Variants in RYR3 observed in about 807,000 individuals in gnomAD.
RYR3 encodes the protein ryanodine receptor 3.
RYR3 carries 207 observed loss-of-function variants against 584.3 expected under a neutral mutation model. The ratio of observed to expected loss-of-function variants is 0.35; its 90% CI spans 0.32 to 0.40. RYR3 has a LOEUF of 0.40. RYR3 is among the 10% of genes least tolerant of loss of function. The pLI is 1.00. For missense variants in RYR3, 5,616 were observed against 6,089.2 expected (o/e 0.92, Z 2.59); for synonymous variants, 2,416 against 2,248.5 (o/e 1.07, Z -2.11).
intron 1 of RYR3, among the ~76,000 whole-genome samples, chr15:33,364,388 A>AAATAAT (rs1975189384): frequency 2.0e-5 from 3 of 152,364 alleles, no homozygotes; most frequent in East Asian, 3.9e-4. Context: ...ATTATATTTT[A>AAATAAT]CTGAGGCAGC....
chr15:33,846,442 C>G (rs1446038326), intron 93 of RYR3, among the ~76,000 whole-genome samples: 2 of 152,200 alleles, frequency 1.3e-5, no homozygotes, highest in Admixed American at 6.5e-5. Flanking sequence ...TTTGGTGTCC[C>G]AAGTCCAGAT....
intron 58 of RYR3, among the ~76,000 whole-genome samples, chr15:33,755,993 C>G (rs1050988919): frequency 1.3e-5 from 2 of 152,090 alleles, no homozygotes; most frequent in South Asian, 2.1e-4. Context: ...AGGCTGGTGT[C>G]GAACTCCTGA....
rs556006991 is a variant in RYR3 at position 33,609,422 on chromosome 15, G to A, written c.2165-3761G>A. ...TGTAATCCCAGCACTTTGGGAGGCC[G>A]AGGTGGGAGGATCAGTTGAAGCCAG... On this transcript the variant is annotated intron_variant, in intron 18 of 103. Coordinates refer to ENST00000634891, the MANE Select transcript of RYR3 (RefSeq NM_001036.6). Among the ~76,000 whole-genome samples, 3 of 152,256 alleles carry A rather than the reference G, an allele frequency of 2.0e-5. No homozygotes were observed. The East Asian group carries it at 5.8e-4, about 29-fold the overall frequency.
chr15:33,776,923 C>G (rs2152896055), intron 64 of RYR3, among the ~76,000 whole-genome samples: 1 of 152,366 alleles, frequency 6.6e-6, no homozygotes, highest in Middle Eastern at 3.4e-3. Flanking sequence ...ACTGTCCAGT[C>G]TGTCACCATT....
chr15:33,855,376 G>C (rs1375469587), intron 98 of RYR3, among the ~76,000 whole-genome samples: 2 of 152,122 alleles, frequency 1.3e-5, no homozygotes, highest in Admixed American at 6.5e-5. Flanking sequence ...GCTAATTTTT[G>C]TATTTTTAGT....
chr15:33,776,685 T>C (rs56173561), intron 64 of RYR3, among the ~76,000 whole-genome samples: 5,234 of 152,284 alleles, frequency 0.034, 157 homozygotes, highest in African/African-American at 0.079. Flanking sequence ...TTATTTCCTC[T>C]CTTTAGTACC....
At chr15:33,344,421 T>G (rs1026288599) in intron 1 of RYR3, among the ~76,000 whole-genome samples, 1 of 152,212 alleles carries the variant, frequency 6.6e-6, no homozygotes, top group African/African-American at 2.4e-5. Flanking sequence ...ATATACACAT[T>G]GACAAGTGGT....
At chr15:33,365,220 A>T (rs143517432) in intron 1 of RYR3, among the ~76,000 whole-genome samples, 1 of 152,224 alleles carries the variant, frequency 6.6e-6, no homozygotes, top group Non-Finnish European at 1.5e-5. Flanking sequence ...CACAGTGTTT[A>T]TCCATGTCCT....
chr15:33,688,223 A>C (rs1029634078), intron 38 of RYR3, among the ~76,000 whole-genome samples: 6 of 152,158 alleles, frequency 3.9e-5, no homozygotes, highest in Non-Finnish European at 7.3e-5. Context: ...ACAAGAAAAA[A>C]AACAACCCCA....
At chr15:33,405,549 T>A (rs898292561) in intron 1 of RYR3, among the ~76,000 whole-genome samples, 1 of 152,170 alleles carries the variant, frequency 6.6e-6, no homozygotes, top group African/African-American at 2.4e-5. Flanking sequence ...TAGTATCGTG[T>A]TCAATAAATA....
chr15:33,674,121 C>T (rs1224243736), intron 38 of RYR3, among the ~76,000 whole-genome samples: 1 of 152,226 alleles, frequency 6.6e-6, no homozygotes, highest in African/African-American at 2.4e-5. Flanking sequence ...CTTGCCTATT[C>T]ACTGAACAGC....
intron 2 of RYR3, among the ~76,000 whole-genome samples, chr15:33,503,022 C>T (rs866587584): frequency 6.6e-6 from 1 of 152,156 alleles, no homozygotes; most frequent in African/African-American, 2.4e-5. Flanking sequence ...GCATGAATGT[C>T]ACGATGTTAA....
At chr15:33,754,092 C>T (rs760142766) in intron 57 of RYR3, among the ~76,000 whole-genome samples, 32 of 152,040 alleles carry the variant, frequency 2.1e-4, no homozygotes, top group Admixed American at 1.6e-3. Flanking sequence ...TGCAGTGAGC[C>T]GAGATCATGC....
At chr15:33,376,740 T>A (rs897598804) in intron 1 of RYR3, among the ~76,000 whole-genome samples, 4 of 152,198 alleles carry the variant, frequency 2.6e-5, no homozygotes, top group Non-Finnish European at 5.9e-5. Flanking sequence ...CTTCTAGAAG[T>A]TTTATGGTCC....
chr15:33,729,717 AG>A (rs932978611), intron 47 of RYR3, among the ~76,000 whole-genome samples: 31 of 152,150 alleles, frequency 2.0e-4, no homozygotes, highest in African/African-American at 7.0e-4. Flanking sequence ...AAGCAGAAAA[AG>A]GTACACCAGG....
At position 33,586,067 on chromosome 15, in the gene RYR3, ACATCAAGTCGAT is replaced by A; in HGVS notation, c.1744_1755del (p.Lys582_Ile585del). ...GCCTTAAATCTGATAGCGGAGGGCC[ACATCAAGTCGAT>A]CATCTCCCTGTTGGATAAGCACGGG... On this transcript the variant is annotated inframe_deletion, in exon 16 of 104. Transcript: ENST00000634891. 6.2e-7 allele frequency: 1 copy of A among 1,613,728 alleles called. No individual in the cohort carries two copies. Among genetic ancestry groups the A allele is most frequent in the Admixed American group, 1.7e-5 (1 of 60,012 alleles).
At chr15:33,854,683 T>C in intron 97 of RYR3, 83 bp from the exon 98 acceptor site, 2 of 1,509,584 alleles carry the variant, frequency 1.3e-6, no homozygotes, top group East Asian at 2.3e-5. Flanking sequence ...CCTCAGTGTG[T>C]CTCCCAAAAT....
At chr15:33,827,624 G>GA (rs780557092) in intron 85 of RYR3, among the ~76,000 whole-genome samples, 1 of 152,038 alleles carries the variant, frequency 6.6e-6, no homozygotes. Flanking sequence ...GATTTCACTA[G>GA]AAAAAAAGAC....
chr15:33,646,219 G>C lies in RYR3; in HGVS notation c.3766-132G>C. The stretch of plus-strand genomic sequence containing the variant: ...AAGTAATGATGAGAATCATAGTTTG[G>C]TTATCACTGGACACAACTTACTTCT... On this transcript the variant is annotated intron_variant, in intron 28 of 103. Coordinates refer to ENST00000634891, the MANE Select transcript of RYR3 (RefSeq NM_001036.6). 4.3e-6 allele frequency: 3 copies of C among 694,196 alleles called. No individual in the cohort carries two copies. The South Asian group carries it at 6.8e-5, about 16-fold the overall frequency. 43.0% of individuals were successfully genotyped at this position (694,196 alleles called of 1,614,324 possible).
Sources: allele counts gnomAD v4.1 joint callset (sites outside exome capture counted in the v4.1 genomes callset), GRCh38; gene constraint gnomAD v4.1.1; transcripts MANE v1.5; gene names NCBI Gene and HGNC (gene_info 2026-07-23, HGNC 2026-07-21).